The following TMEM229B variants were observed in gnomAD, a reference collection of about 807,000 sequenced individuals.
The protein encoded by TMEM229B is transmembrane protein 229B.
Under a neutral mutation model 13.7 loss-of-function variants are expected in TMEM229B, and 6 were observed. That is an observed-to-expected ratio of 0.44 (90% CI 0.24 to 0.86). The LOEUF is 0.86. Among genes scored for constraint, TMEM229B ranks in the 40% least tolerant of loss-of-function variants. The pLI is 0.23. For synonymous variants in TMEM229B, 107 were observed against 102.1 expected (o/e 1.05, Z -0.29); for missense variants, 170 against 236.0 (o/e 0.72, Z 1.83).
At chr14:67,525,662 G>A (rs1325041624) in intron 1 of TMEM229B, among the ~76,000 whole-genome samples, 1 of 152,172 alleles carries the variant, frequency 6.6e-6, no homozygotes, top group Non-Finnish European at 1.5e-5. Flanking sequence ...CTCTATAAAT[G>A]GCTTCCAATC....
intron 2 of TMEM229B, among the ~76,000 whole-genome samples, chr14:67,481,701 C>T (rs2031596181): frequency 6.6e-6 from 1 of 152,156 alleles, no homozygotes; most frequent in Non-Finnish European, 1.5e-5. Flanking sequence ...GGCTCGCCCA[C>T]CCCATACAGG....
chr14:67,514,112 A>G (rs969296613), intron 1 of TMEM229B, among the ~76,000 whole-genome samples: 4 of 152,152 alleles, frequency 2.6e-5, no homozygotes, highest in African/African-American at 9.7e-5. Context: ...AGAGCCCCCA[A>G]GGTTACACCA....
At chr14:67,509,913 G>A (rs538647758) in intron 1 of TMEM229B, among the ~76,000 whole-genome samples, 17 of 152,282 alleles carry the variant, frequency 1.1e-4, no homozygotes, top group African/African-American at 3.9e-4. Flanking sequence ...GGGAGGCTGA[G>A]GCAGGAGGAT....
At chr14:67,508,128 T>G (rs1174972624) in intron 1 of TMEM229B, among the ~76,000 whole-genome samples, 1 of 99,866 alleles carries the variant, frequency 1.0e-5, no homozygotes, top group Non-Finnish European at 2.1e-5. Context: ...AGAGCTAAAC[T>G]CCATCTCAAA....
chr14:67,473,906 G>A lies in TMEM229B; in HGVS notation c.18C>T (p.Pro6=). The A allele has an allele frequency of 1.9e-6, 3 of 1,605,376 alleles. No individual in the cohort carries two copies. Among genetic ancestry groups the A allele is most frequent in the Non-Finnish European group, 2.6e-6 (3 of 1,176,218 alleles). ...GGTACCAGCGGGACAGCGCCGTCAG[G>A]GGCTCGGCAGACGCCATGGCGCCGA... is the stretch of plus-strand genomic sequence containing the variant. MASAE[P]LTALSRWYLY... is the part of the protein sequence containing the mutation. Residue 6 remains proline (P), a synonymous_variant, in exon 3 of 3, where the codon CCC becomes CCT. Coordinates refer to ENST00000554480, the MANE Select transcript of TMEM229B (RefSeq NM_001348543.2). This position sits in a 1 kb window ranked among gnomAD's most constrained non-coding sequence, Gnocchi z 6.5.
chr14:67,521,668 A>G (rs899295747), intron 1 of TMEM229B, among the ~76,000 whole-genome samples: 2 of 152,246 alleles, frequency 1.3e-5, no homozygotes, highest in African/African-American at 2.4e-5. Flanking sequence ...GAATTCATCC[A>G]TAAAGCATTA....
upstream of TMEM229B, among the ~76,000 whole-genome samples, chr14:67,489,465 T>C (rs570201679): frequency 2.2e-3 from 339 of 152,348 alleles, 2 homozygotes; most frequent in African/African-American, 7.7e-3. Flanking sequence ...TTCTGGTCAA[T>C]ATGCCTGAGA....
At chr14:67,474,991 C>T (rs2031084821) in intron 2 of TMEM229B, among the ~76,000 whole-genome samples, 1 of 148,210 alleles carries the variant, frequency 6.7e-6, no homozygotes, top group Non-Finnish European at 1.5e-5. Context: ...TCTTGGCTCA[C>T]TGCAACCTCC....
At chr14:67,496,216 C>G (rs2032358186) in intron 1 of TMEM229B, among the ~76,000 whole-genome samples, 2 of 151,720 alleles carry the variant, frequency 1.3e-5, no homozygotes, top group Non-Finnish European at 2.9e-5. Flanking sequence ...AATTTTGTAT[C>G]TATTTATTTA....
chr14:67,480,225 C>T lies in TMEM229B; in HGVS notation c.-18-6284G>A, dbSNP rs2031499468. Among the ~76,000 whole-genome samples, 5 of 152,124 alleles carry T rather than the reference C, an allele frequency of 3.3e-5. No homozygotes were observed. In the South Asian group the frequency reaches 1.0e-3, roughly 32 times the overall value. Reference sequence around the variant, plus strand: ...TTACCCGATGCAGGGTCACTGTGCCCCTGCTCTCGGCAGCCTCCAGGCAGC... The same window carrying T: ...TTACCCGATGCAGGGTCACTGTGCCTCTGCTCTCGGCAGCCTCCAGGCAGC... On this transcript the variant is annotated intron_variant, in intron 2 of 2. Transcript: ENST00000554480.
intron 2 of TMEM229B, among the ~76,000 whole-genome samples, chr14:67,479,410 C>CA (rs149239926): frequency 0.31 from 39,010 of 125,768 alleles, 7,158 homozygotes; most frequent in African/African-American, 0.56. Context: ...GACTCTGTCT[C>CA]AAAAAAAAAA....
chr14:67,502,816 G>A (rs1017768590), intron 1 of TMEM229B, among the ~76,000 whole-genome samples: 9 of 152,154 alleles, frequency 5.9e-5, no homozygotes, highest in African/African-American at 2.2e-4. Context: ...TTATTTCCCA[G>A]CAGCCAACCA....
chr14:67,532,101 T>TGAGCTGAACGTA (rs1377949781), intron 1 of TMEM229B, among the ~76,000 whole-genome samples: 1 of 152,154 alleles, frequency 6.6e-6, no homozygotes, highest in Non-Finnish European at 1.5e-5. Flanking sequence ...GTTCAGCCAT[T>TGAGCTGAACGTA]GAAGTCCCAT....
At chr14:67,474,607 A>G (rs1259367993) in intron 2 of TMEM229B, among the ~76,000 whole-genome samples, 1 of 152,210 alleles carries the variant, frequency 6.6e-6, no homozygotes, top group Non-Finnish European at 1.5e-5. Flanking sequence ...TGTACAATTC[A>G]GTGGTCTTAA....
At chr14:67,508,984 A>C (rs2032935697) in intron 1 of TMEM229B, among the ~76,000 whole-genome samples, 1 of 152,102 alleles carries the variant, frequency 6.6e-6, no homozygotes, top group South Asian at 2.1e-4. Flanking sequence ...AAAGGCCCAG[A>C]AACTAGGTTG....
At chr14:67,509,783 G>A (rs2140236044) in intron 1 of TMEM229B, among the ~76,000 whole-genome samples, 1 of 152,264 alleles carries the variant, frequency 6.6e-6, no homozygotes, top group Admixed American at 6.5e-5. Flanking sequence ...GAGGCAGGAG[G>A]ATTGCTTGAG....
intron 1 of TMEM229B, among the ~76,000 whole-genome samples, chr14:67,523,776 CT>C (rs1171065813): frequency 2.0e-5 from 3 of 152,212 alleles, no homozygotes; most frequent in Non-Finnish European, 4.4e-5. Flanking sequence ...TCAAGGTCTG[CT>C]TTCTCTTAGG....
chr14:67,479,266 C>T (rs1195318356), intron 2 of TMEM229B, among the ~76,000 whole-genome samples: 2 of 151,326 alleles, frequency 1.3e-5, no homozygotes, highest in South Asian at 2.1e-4. Context: ...ATTAGCTGGG[C>T]GTGGTGGCGT....
upstream of TMEM229B, among the ~76,000 whole-genome samples, chr14:67,517,246 CCTT>C (rs2033220208): frequency 6.7e-6 from 1 of 148,640 alleles, no homozygotes; most frequent in Non-Finnish European, 1.5e-5. Flanking sequence ...CGCCTAATCT[CCTT>C]CTCTAGCTGT....
Sources: gnomAD v4.1 joint callset for allele counts (sites outside exome capture counted in the v4.1 genomes callset) on GRCh38, gnomAD v4.1.1 for gene constraint, Gnocchi (gnomAD v3.1) non-coding constraint, MANE v1.5 for transcripts, NCBI Gene and HGNC (gene_info 2026-07-23, HGNC 2026-07-21) for gene names.